PRKN: variants seen among roughly 807,000 people sequenced by gnomAD.
PRKN encodes E3 ubiquitin-protein ligase parkin.
In PRKN, 56 loss-of-function variants were observed where a neutral mutation model predicts 59.5. The observed-to-expected ratio is 0.94, with a 90% CI of 0.76 to 1.18. The LOEUF is 1.18. PRKN is among the 50% of genes most tolerant of loss of function. PRKN has a pLI of 0.00. For synonymous variants in PRKN, 250 were observed against 222.1 expected (o/e 1.13, Z -1.12); for missense variants, 657 against 596.4 (o/e 1.10, Z -1.06).
chr6:162,319,996 T>C (rs779530236), intron 2 of PRKN, among the ~76,000 whole-genome samples: 1 of 151,888 alleles, frequency 6.6e-6, no homozygotes, highest in Non-Finnish European at 1.5e-5. Context: ...CCATTGTCTA[T>C]GACTGCACAC....
At chr6:162,215,418 G>A (rs1777602078) in intron 3 of PRKN, among the ~76,000 whole-genome samples, 1 of 152,140 alleles carries the variant, frequency 6.6e-6, no homozygotes, top group Admixed American at 6.5e-5. Context: ...AATGAGGAAT[G>A]TTCTTCCAGG....
chr6:162,429,378 A>G (rs867055797), intron 2 of PRKN, among the ~76,000 whole-genome samples: 9 of 152,298 alleles, frequency 5.9e-5, no homozygotes, highest in Admixed American at 5.2e-4. Flanking sequence ...CGGAAGAATG[A>G]CAGGTGCTGT....
intron 2 of PRKN, among the ~76,000 whole-genome samples, chr6:162,327,050 T>G (rs60110552): frequency 0.087 from 13,265 of 152,248 alleles, 1,176 homozygotes; most frequent in East Asian, 0.49. Flanking sequence ...TAAAGCATTC[T>G]ATTATTTTAT....
chr6:162,344,180 G>T (rs1365036084), intron 2 of PRKN, among the ~76,000 whole-genome samples: 1 of 152,082 alleles, frequency 6.6e-6, no homozygotes, highest in Non-Finnish European at 1.5e-5. Flanking sequence ...GTTAAGACTT[G>T]GTTTTTTTGA....
chr6:162,082,809 G>A (rs1481337116), intron 4 of PRKN, among the ~76,000 whole-genome samples: 1 of 151,952 alleles, frequency 6.6e-6, no homozygotes, highest in Non-Finnish European at 1.5e-5. Flanking sequence ...GAGAGATGTG[G>A]GGATGGTTGG....
At chr6:162,694,666 C>T (rs1777905980) in intron 1 of PRKN, 1 of 152,122 alleles carries the variant, frequency 6.6e-6, no homozygotes, top group South Asian at 2.1e-4. Flanking sequence ...ATCTTTCATA[C>T]TTAAGAAAGA....
chr6:162,108,599 T>G (rs928354816), intron 4 of PRKN, among the ~76,000 whole-genome samples: 1 of 152,146 alleles, frequency 6.6e-6, no homozygotes, highest in African/African-American at 2.4e-5. Flanking sequence ...CTACCATATA[T>G]GTAATATTAA....
At position 161,785,781 on chromosome 6, in the gene PRKN, GC is replaced by G; in HGVS notation, c.861del (p.Pro288LeufsTer10). Reference sequence around the variant, plus strand: ...AACATGCTAGACTTACCCACACAAGGCAGGGAGTAGCCAAGTTGAGGGTCGT... The same window carrying G: ...AACATGCTAGACTTACCCACACAAGGAGGGAGTAGCCAAGTTGAGGGTCGT... ...FVHDPQLGYSLPCVAGCPNSL... is the reference protein window; with the variant it reads ...FVHDPQLGYSXPCVAGCPNSL... On this transcript the variant is annotated frameshift_variant, in exon 7 of 12. Transcript: ENST00000366898. LOFTEE classifies it high-confidence loss of function. 1 of 1,613,898 alleles carries G rather than the reference GC, an allele frequency of 6.2e-7. No homozygotes were observed. The highest frequency in any genetic ancestry group is 8.5e-7 in the Non-Finnish European group (1 of 1,179,886).
chr6:162,466,057 G>C (rs1014183374), intron 1 of PRKN, among the ~76,000 whole-genome samples: 1 of 152,084 alleles, frequency 6.6e-6, no homozygotes, highest in Non-Finnish European at 1.5e-5. Context: ...TGACATACTT[G>C]CAGATATATA....
At chr6:161,613,868 C>T (rs547734663) in intron 7 of PRKN, among the ~76,000 whole-genome samples, 3 of 152,276 alleles carry the variant, frequency 2.0e-5, no homozygotes, top group South Asian at 2.1e-4. Context: ...TTCAGAAGTC[C>T]GGGCACAGCG....
chr6:162,238,953 T>C (rs1778866518), intron 3 of PRKN, among the ~76,000 whole-genome samples: 1 of 152,202 alleles, frequency 6.6e-6, no homozygotes, highest in Non-Finnish European at 1.5e-5. Context: ...TTACTTACTA[T>C]GATACTGGAG....
At position 161,488,688 on chromosome 6, in the gene PRKN, T is replaced by C. The variant is rs1777430869; in HGVS notation, c.1083+60166A>G. On this transcript the variant is annotated intron_variant, in intron 9 of 11. Transcript: ENST00000366898. The surrounding 1 kb of genome is among the most constrained non-coding windows in gnomAD (Gnocchi z 4.5). ...TTTTTGTAGAGGTGGGGTCTCACTA[T>C]GTTGCCCAGGCTGGTCTTGAACTCG... 6.6e-6 allele frequency among the ~76,000 whole-genome samples: 1 copy of C among 151,976 alleles called. No individual in the cohort carries two copies. Among genetic ancestry groups the C allele is most frequent in the Admixed American group, 6.6e-5 (1 of 15,250 alleles).
intron 3 of PRKN, among the ~76,000 whole-genome samples, chr6:162,249,602 G>T (rs931978595): frequency 6.6e-6 from 1 of 152,022 alleles, no homozygotes; most frequent in Non-Finnish European, 1.5e-5. Flanking sequence ...ATTGTTTCCC[G>T]AGCTTTGAGA....
chr6:161,987,175 C>T (rs181626152), intron 5 of PRKN, among the ~76,000 whole-genome samples: 2 of 152,216 alleles, frequency 1.3e-5, no homozygotes, highest in African/African-American at 4.8e-5. Flanking sequence ...TACTTTATTT[C>T]CTCATTAGGA....
chr6:161,611,296 A>G (rs1191137258), intron 7 of PRKN, among the ~76,000 whole-genome samples: 1 of 152,170 alleles, frequency 6.6e-6, no homozygotes, highest in Non-Finnish European at 1.5e-5. Context: ...TCTCTCTTAC[A>G]GCACAGGCAC....
At chr6:161,509,025 G>A (rs1402358779) in intron 9 of PRKN, among the ~76,000 whole-genome samples, 1 of 152,026 alleles carries the variant, frequency 6.6e-6, no homozygotes, top group Non-Finnish European at 1.5e-5. Flanking sequence ...TGTATTTTTA[G>A]TAGAGACAGG....
chr6:161,527,025 A>G lies in PRKN; in HGVS notation c.1083+21829T>C, dbSNP rs1316899774. Among the ~76,000 whole-genome samples the G allele has an allele frequency of 1.3e-5, 2 of 152,178 alleles. No homozygotes were observed. Among genetic ancestry groups the G allele is most frequent in the Non-Finnish European group, 2.9e-5 (2 of 68,034 alleles). ...ACCGATAGAAAGCCTCAGGAGTAGT[A>G]AAAGTTGTTTCAGTGCATCTCTCAG... On this transcript the variant is annotated intron_variant, in intron 9 of 11. Coordinates refer to ENST00000366898, the MANE Select transcript of PRKN (RefSeq NM_004562.3). The surrounding 1 kb of genome is among the most constrained non-coding windows in gnomAD (Gnocchi z 4.6).
Position 161,786,419 on chromosome 6 carries a change from T to A in PRKN, c.735-511A>T, listed in dbSNP as rs538656792. ...AAAAATTTAAATCTTTAAAACATTT[T>A]AAATATTTTTTTCCTCCAAAGTATT... is the stretch of plus-strand genomic sequence containing the variant. On this transcript the variant is annotated intron_variant, in intron 6 of 11. Coordinates refer to ENST00000366898, the MANE Select transcript of PRKN (RefSeq NM_004562.3). Among the ~76,000 whole-genome samples, 19 of 152,284 alleles carry A rather than the reference T, an allele frequency of 1.2e-4. No homozygotes were observed. In the South Asian group the frequency reaches 3.9e-3, roughly 32 times the overall value.
At chr6:162,115,885 T>G (rs1780650597) in intron 4 of PRKN, among the ~76,000 whole-genome samples, 1 of 152,140 alleles carries the variant, frequency 6.6e-6, no homozygotes, top group African/African-American at 2.4e-5. Flanking sequence ...TTGATCTGAG[T>G]TATCCATTTA....
Sources: gnomAD v4.1 joint callset for allele counts (sites outside exome capture counted in the v4.1 genomes callset) on GRCh38, gnomAD v4.1.1 for gene constraint, Gnocchi (gnomAD v3.1) non-coding constraint, MANE v1.5 for transcripts, NCBI Gene and HGNC (gene_info 2026-07-23, HGNC 2026-07-21) for gene names.